The following STXBP5L variants were observed in gnomAD, a reference collection of about 807,000 sequenced individuals.
STXBP5L encodes syntaxin binding protein 5L.
STXBP5L carries 65 observed loss-of-function variants against 144.5 expected under a neutral mutation model. The ratio of observed to expected loss-of-function variants is 0.45; its 90% CI spans 0.37 to 0.55. STXBP5L has a LOEUF of 0.55. Ranked by LOEUF, STXBP5L falls within the 20% of genes least tolerant of loss-of-function variation. The probability of loss-of-function intolerance (pLI) is 0.00; values close to 1 mark genes in which losing one functional copy is unlikely to be tolerated. For synonymous variants in STXBP5L, 505 were observed against 469.6 expected (o/e 1.08, Z -0.97); for missense variants, 1,298 against 1,405.5 (o/e 0.92, Z 1.22).
chr3:121,373,837 G>C (rs1169760860), intron 20 of STXBP5L, among the ~76,000 whole-genome samples: 2 of 152,060 alleles, frequency 1.3e-5, no homozygotes, highest in Non-Finnish European at 2.9e-5. Flanking sequence ...GACACCACCA[G>C]TCTCTGTGCA....
intron 20 of STXBP5L, among the ~76,000 whole-genome samples, chr3:121,320,193 TA>T (rs2043923546): frequency 6.6e-6 from 1 of 152,190 alleles, no homozygotes; most frequent in African/African-American, 2.4e-5. Context: ...CTTTCGGTAA[TA>T]TTTTTGGGTT....
intron 2 of STXBP5L, among the ~76,000 whole-genome samples, chr3:120,943,122 T>A (rs1710652865): frequency 6.6e-6 from 1 of 151,718 alleles, no homozygotes; most frequent in South Asian, 2.1e-4. Flanking sequence ...TTTCTGGCTT[T>A]GTAAATAAAA....
intron 20 of STXBP5L, among the ~76,000 whole-genome samples, chr3:121,331,091 C>T (rs1167990441): frequency 3.3e-5 from 5 of 152,142 alleles, no homozygotes; most frequent in African/African-American, 4.8e-5. Flanking sequence ...GGGACTCCTG[C>T]GGCTAGGGGA....
chr3:121,149,304 T>C (rs569580448), intron 7 of STXBP5L, among the ~76,000 whole-genome samples: 13 of 152,116 alleles, frequency 8.5e-5, no homozygotes, highest in South Asian at 6.2e-4. Context: ...AACATATAAA[T>C]CAATTTATAC....
intron 5 of STXBP5L, among the ~76,000 whole-genome samples, chr3:121,068,446 C>T (rs2041651812): frequency 6.6e-6 from 1 of 151,794 alleles, no homozygotes; most frequent in Non-Finnish European, 1.5e-5. Context: ...TTTTTATTAT[C>T]CTATTTTTCT....
At chr3:121,280,300 G>A (rs1299169831) in intron 19 of STXBP5L, among the ~76,000 whole-genome samples, 1 of 151,758 alleles carries the variant, frequency 6.6e-6, no homozygotes, top group African/African-American at 2.4e-5. Context: ...GCTTGCAATG[G>A]TTGTGTCAAA....
At chr3:121,283,847 C>A (rs1361782093) in intron 19 of STXBP5L, among the ~76,000 whole-genome samples, 1 of 151,564 alleles carries the variant, frequency 6.6e-6, no homozygotes, top group Admixed American at 6.6e-5. Context: ...ATTTCAGAAT[C>A]CCAGTTTAGC....
intron 2 of STXBP5L, among the ~76,000 whole-genome samples, chr3:120,912,915 C>A (rs923167207): frequency 6.6e-6 from 1 of 151,954 alleles, no homozygotes; most frequent in African/African-American, 2.4e-5. Flanking sequence ...TCTCATATCT[C>A]AATGCCTTCT....
At chr3:120,955,426 T>G (rs1006587058) in intron 3 of STXBP5L, among the ~76,000 whole-genome samples, 5 of 152,054 alleles carry the variant, frequency 3.3e-5, no homozygotes, top group Admixed American at 3.3e-4. Context: ...TTGCTTTTGC[T>G]TACCTGGGGT....
At chr3:121,209,187 T>C (rs1003707769) in intron 10 of STXBP5L, among the ~76,000 whole-genome samples, 3 of 152,150 alleles carry the variant, frequency 2.0e-5, no homozygotes, top group African/African-American at 4.8e-5. Flanking sequence ...GGCATTTGGG[T>C]TGGTTCCAAG....
At chr3:121,043,661 AT>A (rs939353625) in intron 4 of STXBP5L, among the ~76,000 whole-genome samples, 2 of 152,172 alleles carry the variant, frequency 1.3e-5, no homozygotes, top group African/African-American at 2.4e-5. Context: ...GTGAGCTAAG[AT>A]CGCACCACTG....
At chr3:120,979,554 C>G (rs1290480492) in intron 3 of STXBP5L, among the ~76,000 whole-genome samples, 4 of 152,260 alleles carry the variant, frequency 2.6e-5, no homozygotes, top group Middle Eastern at 3.4e-3. Flanking sequence ...ACTGCACCCA[C>G]TGTCCTGCAC....
Position 120,909,634 on chromosome 3 carries a change from G to T in STXBP5L, c.56G>T (p.Gly19Val), listed in dbSNP as rs946218196. The part of the protein sequence containing the change: ...VLDGLTASSP[G>V]SGSSSGSNSG... The stretch of plus-strand genomic sequence containing the variant: ...GATGGCTTAACTGCCTCCTCCCCTG[G>T]CAGTGGTAGCAGCAGTGGCAGTAAC... Residue 19 changes from glycine to valine, a missense_variant, in exon 2 of 27, where the codon GGC becomes GTC. By Grantham distance (109) the Gly-to-Val change is moderately radical (BLOSUM62 -3). Transcript: ENST00000471454. 1.2e-6 allele frequency: 2 copies of T among 1,613,396 alleles called. No individual in the cohort carries two copies. Among genetic ancestry groups the T allele is most frequent in the African/African-American group, 1.3e-5 (1 of 74,832 alleles).
At chr3:121,054,834 C>T (rs1200299298) in intron 5 of STXBP5L, among the ~76,000 whole-genome samples, 2 of 151,948 alleles carry the variant, frequency 1.3e-5, no homozygotes, top group African/African-American at 4.8e-5. Context: ...TTTTATCTTT[C>T]TCTCTGTTTG....
At chr3:121,158,650 T>C (rs949582804) in intron 9 of STXBP5L, 1 of 152,170 alleles carries the variant, frequency 6.6e-6, no homozygotes, top group Non-Finnish European at 1.5e-5. Flanking sequence ...AAACCTTGGG[T>C]AGATATTAGC....
At chr3:120,928,744 T>A (rs1217169884) in intron 2 of STXBP5L, among the ~76,000 whole-genome samples, 1 of 152,076 alleles carries the variant, frequency 6.6e-6, no homozygotes, top group African/African-American at 2.4e-5. Flanking sequence ...GTTCTTTTTT[T>A]ATTGCTGAGT....
At chr3:121,160,787 T>G (rs2046297381) in intron 9 of STXBP5L, among the ~76,000 whole-genome samples, 1 of 152,192 alleles carries the variant, frequency 6.6e-6, no homozygotes, top group African/African-American at 2.4e-5. Flanking sequence ...TTTGCCTTCT[T>G]GGAGGTTATT....
intron 20 of STXBP5L, among the ~76,000 whole-genome samples, chr3:121,324,900 GTCAATAGAGAATTCAGTGA>G (rs2044093280): frequency 6.6e-6 from 1 of 151,972 alleles, no homozygotes; most frequent in Non-Finnish European, 1.5e-5. Context: ...CGCGGGTACG[GTCAATAGAGAATTCAGTGA>G]AATCTTAAGA....
At chr3:121,193,153 G>A (rs1371688756) in intron 9 of STXBP5L, among the ~76,000 whole-genome samples, 1 of 142,660 alleles carries the variant, frequency 7.0e-6, no homozygotes, top group Non-Finnish European at 1.5e-5. Context: ...CCATCAAAAA[G>A]TGGGCAAAGA....
Sources: gnomAD v4.1 joint callset for allele counts (sites outside exome capture counted in the v4.1 genomes callset) on GRCh38, gnomAD v4.1.1 for gene constraint, MANE v1.5 for transcripts, NCBI Gene and HGNC (gene_info 2026-07-23, HGNC 2026-07-21) for gene names.